Variants in DNAH5 observed in about 807,000 individuals in gnomAD.
DNAH5 encodes the protein axonemal beta dynein heavy chain 5.
DNAH5 carries 372 observed loss-of-function variants against 518.2 expected under a neutral mutation model. The observed-to-expected ratio is 0.72, with a 90% CI of 0.66 to 0.78. The LOEUF is 0.78. Among genes scored for constraint, DNAH5 ranks in the 30% least tolerant of loss-of-function variants. The probability of loss-of-function intolerance (pLI) is 0.00; values close to 1 mark genes in which losing one functional copy is unlikely to be tolerated. For missense variants in DNAH5, 5,523 were observed against 5,687.0 expected, an observed-to-expected ratio of 0.97 and a Z score of 0.93; for synonymous variants, 2,039 against 2,025.9, an observed-to-expected ratio of 1.01 and a Z score of -0.17.
In DNAH5 at chr5:13,766,026, G is replaced by A. The variant is rs770720791; in HGVS notation, c.10051C>T (p.Gln3351Ter). Residue 3351 changes from glutamine (Q) to a stop codon, truncating the protein, a stop_gained, in exon 59 of 79, where the codon CAG becomes TAG. Transcript: ENST00000265104. LOFTEE classifies it high-confidence loss of function. ...LEKSCTMPSW[Q>*]ESLKLMTAGN... ...GCAGTCATCAATTTTAAGGATTCCT[G>A]CCAGGAGGGCATGGTACAGCTTTTT... is the stretch of plus-strand genomic sequence containing the variant. The A allele has an allele frequency of 1.2e-6, 2 of 1,614,198 alleles. No homozygotes were observed. The highest frequency in any genetic ancestry group is 1.7e-6 in the Non-Finnish European group (2 of 1,180,020).
At chr5:13,953,922 G>A (rs1184431337) in intron 1 of DNAH5, among the ~76,000 whole-genome samples, 1 of 152,084 alleles carries the variant, frequency 6.6e-6, no homozygotes, top group Non-Finnish European at 1.5e-5. Flanking sequence ...TGGTCAGGCT[G>A]GTCTTGAACT....
chr5:13,898,864 T>C (rs1774230328), intron 15 of DNAH5: 1 of 369,294 alleles, frequency 2.7e-6, no homozygotes, highest in Non-Finnish European at 4.8e-6. Flanking sequence ...GGTAGCAGCA[T>C]TTGCCACTGG....
At chr5:13,763,319 T>C (rs1752032276) in intron 59 of DNAH5, among the ~76,000 whole-genome samples, 1 of 152,228 alleles carries the variant, frequency 6.6e-6, no homozygotes, top group Non-Finnish European at 1.5e-5. Flanking sequence ...TCTGAGGATA[T>C]ACATATTTAG....
intron 75 of DNAH5, 84 bp from the exon 76 acceptor site, chr5:13,708,419 G>A (rs1743073726): frequency 1.1e-5 from 14 of 1,256,030 alleles, no homozygotes; most frequent in Admixed American, 1.7e-5. Context: ...CTCTGAACAG[G>A]CCCAAATTCT....
rs1740729014 is a variant in DNAH5 at position 13,691,847 on chromosome 5, A to T, written c.*137T>A. On this transcript the variant is annotated 3_prime_UTR_variant, in exon 79 of 79. Coordinates refer to ENST00000265104, the MANE Select transcript of DNAH5 (RefSeq NM_001369.3). ...GTAAAATATAAGCATCCAATTAAGG[A>T]GTGGGGAAAACCTATGCAGCTCATT... The T allele has an allele frequency of 1.0e-6, 1 of 969,782 alleles. No homozygotes were observed. Among genetic ancestry groups the T allele is most frequent in the South Asian group, 1.5e-5 (1 of 67,396 alleles). The allele number at this position is 969,782 out of a possible 1,614,324, so 60.1% of individuals were successfully genotyped here.
intron 1 of DNAH5, among the ~76,000 whole-genome samples, chr5:14,010,259 T>C (rs935714038): frequency 1.3e-5 from 2 of 152,152 alleles, no homozygotes; most frequent in African/African-American, 4.8e-5. Flanking sequence ...TAGTTTACTA[T>C]GGAAGTTAAA....
Position 13,737,492 on chromosome 5 carries a change from A to G in DNAH5, c.11215T>C (p.Leu3739=), listed in dbSNP as rs768012285. 31 of 1,613,396 alleles carry G rather than the reference A, an allele frequency of 1.9e-5. No individual in the cohort carries two copies. In the African/African-American group the frequency reaches 3.5e-4, roughly 18 times the overall value. The change falls in exon 66 of 79, where the codon TTG becomes CTG. Residue 3739 remains leucine (L), a synonymous_variant. Transcript: ENST00000265104. ...GRVILTEKQE[L]EKERTHLMED... is the part of the protein sequence containing the mutation. ...ATCAGATGAGTTCTTTCTTTCTCCA[A>G]TTCCTATTAATTTGCATAAATATAT...
At position 13,916,335 on chromosome 5, in the gene DNAH5, A is replaced by T; in HGVS notation, c.1197+13T>A. ...AAATACAAATGAACATGGACTCTAC[A>T]TCATGCACTTACCTTTACAAACAGA... is the stretch of plus-strand genomic sequence containing the variant. On this transcript the variant is annotated intron_variant, in intron 9 of 78. Coordinates refer to ENST00000265104, the MANE Select transcript of DNAH5 (RefSeq NM_001369.3). 7.5e-7 allele frequency: 1 copy of T among 1,339,574 alleles called. No individual in the cohort carries two copies. Among genetic ancestry groups the T allele is most frequent in the Non-Finnish European group, 1.1e-6 (1 of 933,534 alleles). The allele number at this position is 1,339,574 out of a possible 1,614,324, so 83.0% of individuals were successfully genotyped here. A position where few individuals can be genotyped will look rare whatever the true frequency, so the allele number is the denominator to read the frequency against.
intron 42 of DNAH5, among the ~76,000 whole-genome samples, chr5:13,816,716 G>C (rs911772864): frequency 6.6e-6 from 1 of 152,114 alleles, no homozygotes; most frequent in Non-Finnish European, 1.5e-5. Flanking sequence ...TTTAAATGAA[G>C]CATTTTCATT....
chr5:13,847,323 G>A (rs1012886730), intron 31 of DNAH5, among the ~76,000 whole-genome samples: 2 of 146,764 alleles, frequency 1.4e-5, no homozygotes, highest in Non-Finnish European at 3.0e-5. Context: ...AAAAAAAAAA[G>A]TGTGAACAAT....
chr5:13,726,909 T>C (rs10866503), intron 70 of DNAH5, among the ~76,000 whole-genome samples: 89,938 of 151,584 alleles, frequency 0.59, 26,729 homozygotes, highest in African/African-American at 0.6. Context: ...ACACAAGTCC[T>C]TTTAGTGGGT....
intron 12 of DNAH5, among the ~76,000 whole-genome samples, 166 bp from the exon 13 acceptor site, chr5:13,902,304 CAAAG>C (rs1408167044): frequency 6.6e-6 from 1 of 152,134 alleles, no homozygotes; most frequent in East Asian, 1.9e-4. Context: ...AAGCCAGAAA[CAAAG>C]AGAGACTTGA....
At chr5:13,791,361 T>A (rs1228553048) in intron 50 of DNAH5, among the ~76,000 whole-genome samples, 1 of 152,214 alleles carries the variant, frequency 6.6e-6, no homozygotes, top group South Asian at 2.1e-4. Flanking sequence ...CATACTGGAT[T>A]TTCACATAGC....
At chr5:13,695,627 A>C (rs1182370460) in intron 78 of DNAH5, among the ~76,000 whole-genome samples, 1 of 152,144 alleles carries the variant, frequency 6.6e-6, no homozygotes, top group Non-Finnish European at 1.5e-5. Flanking sequence ...TCATGGGCAA[A>C]TTACCCAGTG....
intron 69 of DNAH5, among the ~76,000 whole-genome samples, chr5:13,728,530 C>T (rs1746068127): frequency 6.6e-6 from 1 of 152,134 alleles, no homozygotes; most frequent in Non-Finnish European, 1.5e-5. Context: ...CAGAAGGTAG[C>T]AACTTCAATA....
chr5:13,901,598 C>A, intron 13 of DNAH5, 25 bp from the exon 14 acceptor site: 1 of 1,476,296 alleles, frequency 6.8e-7, no homozygotes, highest in Non-Finnish European at 9.3e-7. Flanking sequence ...AAGTTAAAAG[C>A]TTGAATTAAT....
intron 12 of DNAH5, among the ~76,000 whole-genome samples, chr5:13,908,421 T>A: frequency 6.6e-6 from 1 of 152,328 alleles, no homozygotes; most frequent in East Asian, 1.9e-4. Context: ...CTAACACTTT[T>A]ACCTGGTTTT....
At chr5:13,974,541 C>G (rs1782101618) in intron 1 of DNAH5, among the ~76,000 whole-genome samples, 1 of 152,178 alleles carries the variant, frequency 6.6e-6, no homozygotes, top group Non-Finnish European at 1.5e-5. Flanking sequence ...CTCATCTAAT[C>G]AAGGTAAAGT....
intron 1 of DNAH5, among the ~76,000 whole-genome samples, chr5:13,993,956 T>C (rs1783744486): frequency 6.6e-6 from 1 of 152,182 alleles, no homozygotes; most frequent in African/African-American, 2.4e-5. Context: ...AGTGATAAAG[T>C]GGCTTGTGAA....
Sources: allele counts gnomAD v4.1 joint callset (sites outside exome capture counted in the v4.1 genomes callset), GRCh38; gene constraint gnomAD v4.1.1; transcripts MANE v1.5; gene names NCBI Gene and HGNC (gene_info 2026-07-23, HGNC 2026-07-21).